Variants in GGACT observed in about 807,000 individuals in gnomAD.
The protein encoded by GGACT is gamma-glutamylaminecyclotransferase.
For synonymous variants in GGACT, 118 were observed against 115.3 expected (o/e 1.02, Z -0.15); for missense variants, 241 against 233.2 (o/e 1.03, Z -0.22).
intron 2 of GGACT, among the ~76,000 whole-genome samples, chr13:100,548,405 CA>C (rs775507947): frequency 6.6e-6 from 1 of 152,124 alleles, no homozygotes; most frequent in Non-Finnish European, 1.5e-5. Context: ...AGAAGAAGCA[CA>C]AAACAATTAC....
chr13:100,587,505 A>G (rs1031411508), intron 1 of GGACT, among the ~76,000 whole-genome samples: 2 of 152,234 alleles, frequency 1.3e-5, no homozygotes, highest in Admixed American at 6.5e-5. Context: ...TTCTGGGAAT[A>G]GTTTCAGGAA....
At position 100,532,328 on chromosome 13, in the gene GGACT, G is replaced by A. The variant is rs766605344; in HGVS notation, c.264C>T (p.Tyr88=). 4.5e-6 allele frequency: 7 copies of A among 1,550,330 alleles called. No individual in the cohort carries two copies. Among genetic ancestry groups the A allele is most frequent in the South Asian group, 1.2e-5 (1 of 84,012 alleles). The part of the protein sequence containing the change: ...LDDFESCPAL[Y]QRTVLRVQLL... Reference sequence around the variant, plus strand: ...GCTGTACCCGCAGCACCGTGCGCTGGTACAGGGCCGGGCAACTCTCGAAGT... The same window carrying A: ...GCTGTACCCGCAGCACCGTGCGCTGATACAGGGCCGGGCAACTCTCGAAGT... The change falls in exon 3 of 3, where the codon TAC becomes TAT. Residue 88 remains tyrosine, a synonymous_variant. Transcript: ENST00000683975.
intron 2 of GGACT, chr13:100,539,799 G>A (rs2088532809): frequency 1.5e-6 from 1 of 683,692 alleles, no homozygotes; most frequent in South Asian, 1.7e-5. Context: ...TACCAGTGAA[G>A]CCATCTGGTC....
intron 2 of GGACT, among the ~76,000 whole-genome samples, chr13:100,569,537 C>CT (rs1875017242): frequency 6.6e-6 from 1 of 152,194 alleles, no homozygotes; most frequent in Non-Finnish European, 1.5e-5. Flanking sequence ...GGCCCTGGGC[C>CT]TAGCCCACAA....
chr13:100,558,517 G>A (rs1450351516), intron 2 of GGACT, among the ~76,000 whole-genome samples: 1 of 152,216 alleles, frequency 6.6e-6, no homozygotes, highest in African/African-American at 2.4e-5. Context: ...GCAAGATGTA[G>A]AGTAACTGAA....
intron 2 of GGACT, among the ~76,000 whole-genome samples, chr13:100,559,335 G>A (rs1277124706): frequency 1.3e-5 from 2 of 151,850 alleles, no homozygotes; most frequent in Non-Finnish European, 2.9e-5. Flanking sequence ...TTACAGGCAT[G>A]TGCCACCATG....
Position 100,530,498 on chromosome 13 carries a change from G to A in GGACT, c.*1632C>T. ...ACATAGGCGACAGGCTCTGCCAGTA[G>A]ACTACCAGCATTTCTTTGTGATCCT... On this transcript the variant is annotated 3_prime_UTR_variant, in exon 3 of 3. Coordinates refer to ENST00000683975, the MANE Select transcript of GGACT (RefSeq NM_001195087.2). The A allele has an allele frequency of 2.4e-6, 1 of 424,326 alleles. No homozygotes were observed. The allele number at this position is 424,326 out of a possible 1,614,324, so 26.3% of individuals were successfully genotyped here. A position where few individuals can be genotyped will look rare whatever the true frequency, so the allele number is the denominator to read the frequency against.
At position 100,531,726 on chromosome 13, in the gene GGACT, G is replaced by C. The variant is rs2088387366; in HGVS notation, c.*404C>G. ...GCCGTGTAAAATCGGCTTTCTCAGGGGTTACAGGCCAGAATCAGTATAGTA... is the reference window on the plus strand; with the variant it reads ...GCCGTGTAAAATCGGCTTTCTCAGGCGTTACAGGCCAGAATCAGTATAGTA... On this transcript the variant is annotated 3_prime_UTR_variant, in exon 3 of 3. Transcript: ENST00000683975. 5.8e-6 allele frequency: 1 copy of C among 172,000 alleles called. No homozygotes were observed. 10.7% of individuals were successfully genotyped at this position (172,000 alleles called of 1,614,324 possible). A position where few individuals can be genotyped will look rare whatever the true frequency, so the allele number is the denominator to read the frequency against.
rs368059420 is a variant in GGACT, at chr13:100,544,967, C to T, written c.-10-12366G>A. On this transcript the variant is annotated intron_variant, in intron 2 of 2. Transcript: ENST00000683975. ...CAAATTCCAGGCACGGCAGCAGGAGCGGAGGTGCTGCCAGCCCCTGCTGCC... is the reference window on the plus strand; with the variant it reads ...CAAATTCCAGGCACGGCAGCAGGAGTGGAGGTGCTGCCAGCCCCTGCTGCC... Among the ~76,000 whole-genome samples, 3 of 152,214 alleles carry T rather than the reference C, an allele frequency of 2.0e-5. No homozygotes were observed. The East Asian group carries it at 5.8e-4, about 29-fold the overall frequency.
chr13:100,577,544 C>T (rs1287941375), intron 2 of GGACT, among the ~76,000 whole-genome samples: 1 of 151,298 alleles, frequency 6.6e-6, no homozygotes, highest in Non-Finnish European at 1.5e-5. Flanking sequence ...TGTAAAAAAC[C>T]CTCAAAATTC....
At chr13:100,582,689 C>A (rs1875454553) in intron 2 of GGACT, among the ~76,000 whole-genome samples, 1 of 152,104 alleles carries the variant, frequency 6.6e-6, no homozygotes, top group South Asian at 2.1e-4. Flanking sequence ...CTAGCAGCTG[C>A]AAAAAGGAAG....
At chr13:100,554,147 G>A (rs1566533695) in intron 2 of GGACT, among the ~76,000 whole-genome samples, 1 of 152,192 alleles carries the variant, frequency 6.6e-6, no homozygotes, top group Non-Finnish European at 1.5e-5. Flanking sequence ...TGCCTGGCCT[G>A]AACTGGACAC....
intron 2 of GGACT, among the ~76,000 whole-genome samples, chr13:100,560,909 T>A (rs146908643): frequency 1.3e-5 from 2 of 152,312 alleles, no homozygotes; most frequent in African/African-American, 4.8e-5. Flanking sequence ...ATCTTTGCAA[T>A]TGTGAACATC....
intron 1 of GGACT, among the ~76,000 whole-genome samples, chr13:100,584,946 C>CT (rs1354324053): frequency 6.6e-6 from 1 of 152,096 alleles, no homozygotes; most frequent in Non-Finnish European, 1.5e-5. Context: ...TTCTTTGATT[C>CT]TTTGATGAGG....
rs1282177199 is a variant in GGACT at position 100,532,412 on chromosome 13, C to T, written c.180G>A (p.Gly60=). 3.2e-6 allele frequency: 5 copies of T among 1,550,016 alleles called. No homozygotes were observed. Among genetic ancestry groups the T allele is most frequent in the East Asian group, 2.4e-5 (1 of 40,912 alleles). Residue 60 remains glycine, a synonymous_variant, in exon 3 of 3, where the codon GGG becomes GGA. Coordinates refer to ENST00000683975, the MANE Select transcript of GGACT (RefSeq NM_001195087.2). ...IPWLLHLPGS[G]RLVEGEVYAV... ...CGTAGACCTCGCCCTCCACGAGGCG[C>T]CCCGAGCCGGGCAGGTGCAGCAGCC...
chr13:100,569,185 G>A (rs1406363739), intron 2 of GGACT, among the ~76,000 whole-genome samples: 1 of 152,254 alleles, frequency 6.6e-6, no homozygotes, highest in Non-Finnish European at 1.5e-5. Context: ...ACTAGGCAGT[G>A]CCCCAGTGGG....
chr13:100,550,439 CA>C (rs1177129183), intron 2 of GGACT, among the ~76,000 whole-genome samples: 1 of 151,268 alleles, frequency 6.6e-6, no homozygotes, highest in African/African-American at 2.4e-5. Flanking sequence ...CACACACACA[CA>C]CACACACACA....
intron 2 of GGACT, among the ~76,000 whole-genome samples, chr13:100,548,045 C>T (rs2088624702): frequency 6.6e-6 from 1 of 152,256 alleles, no homozygotes; most frequent in Non-Finnish European, 1.5e-5. Flanking sequence ...GAATCTGTGG[C>T]TTGTCCCAGC....
intron 2 of GGACT, among the ~76,000 whole-genome samples, chr13:100,551,743 G>C (rs922563111): frequency 6.6e-6 from 1 of 152,220 alleles, no homozygotes; most frequent in Non-Finnish European, 1.5e-5. Flanking sequence ...TCGATGTACA[G>C]GGTTTTTCTT....
Sources: allele counts gnomAD v4.1 joint callset (sites outside exome capture counted in the v4.1 genomes callset), GRCh38; gene constraint gnomAD v4.1.1; transcripts MANE v1.5; gene names NCBI Gene and HGNC (gene_info 2026-07-23, HGNC 2026-07-21).